The following SEMA5A variants were observed in gnomAD, a reference collection of about 807,000 sequenced individuals.
SEMA5A encodes semaphorin 5A.
In SEMA5A, 55 loss-of-function variants were observed where a neutral mutation model predicts 135.5. The observed-to-expected ratio is 0.41, with a 90% CI of 0.33 to 0.51. The LOEUF is 0.51. SEMA5A is among the 20% of genes least tolerant of loss of function. The pLI is 0.37. For synonymous variants in SEMA5A, 580 were observed against 546.5 expected (o/e 1.06, Z -0.85); for missense variants, 1,290 against 1,419.9 (o/e 0.91, Z 1.47).
At chr5:9,532,593 G>A (rs895046344) in intron 1 of SEMA5A, among the ~76,000 whole-genome samples, 2 of 152,034 alleles carry the variant, frequency 1.3e-5, no homozygotes, top group African/African-American at 2.4e-5. Flanking sequence ...CGACCTGCAT[G>A]TGTATTTAAT....
intron 1 of SEMA5A, among the ~76,000 whole-genome samples, chr5:9,461,733 C>T (rs1481532241): frequency 6.6e-6 from 1 of 152,166 alleles, no homozygotes; most frequent in Admixed American, 6.5e-5. Flanking sequence ...GTGGAGGAAA[C>T]AGCAATAGTA....
At position 9,379,827 on chromosome 5, in the gene SEMA5A, A is replaced by G; in HGVS notation, c.120T>C (p.Tyr40=). ...CAGTGCGTGCTGGTTCCTTACCTTT[A>G]TAGGAGATGACTGGATGCTCGGTTC... ...CQRTEHPVIS[Y]KEIGPWLREF... Residue 40 remains tyrosine (Y), a synonymous_variant, in exon 3 of 23, where the codon TAT becomes TAC. Transcript: ENST00000382496. 1 of 1,613,654 alleles carries G rather than the reference A, an allele frequency of 6.2e-7. No individual in the cohort carries two copies. The highest frequency in any genetic ancestry group is 8.5e-7 in the Non-Finnish European group (1 of 1,179,890).
chr5:9,174,346 A>G (rs1164327323), intron 11 of SEMA5A, among the ~76,000 whole-genome samples: 1 of 152,154 alleles, frequency 6.6e-6, no homozygotes, highest in Non-Finnish European at 1.5e-5. Context: ...CCCTCTCTTA[A>G]TCCCAGATAT....
rs1321756287 is a variant in SEMA5A, at chr5:9,270,506, A to C, written c.271-32616T>G. 3.3e-5 allele frequency among the ~76,000 whole-genome samples: 5 copies of C among 152,252 alleles called. No homozygotes were observed. The East Asian group carries it at 9.6e-4, about 29-fold the overall frequency. The stretch of plus-strand genomic sequence containing the variant: ...TTGAGCAAGTCCCATAGGAAACAAT[A>C]ACAACTCTTTCTAGATTCTGGCCAG... On this transcript the variant is annotated intron_variant, in intron 5 of 22. Transcript: ENST00000382496.
chr5:9,114,662 C>T (rs1301783271), intron 15 of SEMA5A, among the ~76,000 whole-genome samples: 1 of 152,124 alleles, frequency 6.6e-6, no homozygotes, highest in Non-Finnish European at 1.5e-5. Context: ...GTTGAAGGTG[C>T]TGCTTGGTCT....
chr5:9,183,076 G>A (rs1744611073), intron 11 of SEMA5A, among the ~76,000 whole-genome samples: 1 of 152,100 alleles, frequency 6.6e-6, no homozygotes, highest in African/African-American at 2.4e-5. Flanking sequence ...ACAGAGGGAA[G>A]GATTCAAGTA....
intron 15 of SEMA5A, among the ~76,000 whole-genome samples, chr5:9,109,957 C>G (rs758399975): frequency 7.2e-5 from 11 of 151,994 alleles, no homozygotes; most frequent in Non-Finnish European, 1.5e-4. Flanking sequence ...TCCTGTCAAA[C>G]CAGAAAAATT....
In SEMA5A at chr5:9,066,526, T is replaced by C. The variant is rs932619445; in HGVS notation, c.2194A>G (p.Thr732Ala). 2 of 1,614,184 alleles carry C rather than the reference T, an allele frequency of 1.2e-6. No individual in the cohort carries two copies. The highest frequency in any genetic ancestry group is 1.7e-6 in the Non-Finnish European group (2 of 1,180,026). ...GGHYEQRFRYTCKARLADPNL... is the reference protein window; with the variant it reads ...GGHYEQRFRYACKARLADPNL... ...GGATCAGCCAGGCGGGCTTTGCATGTGTATCGGAATCGTTGCTCATAGTGG... is the reference window on the plus strand; with the variant it reads ...GGATCAGCCAGGCGGGCTTTGCATGCGTATCGGAATCGTTGCTCATAGTGG... The change falls in exon 17 of 23, where the codon ACA (threonine) becomes GCA (alanine). Residue 732 changes from threonine to alanine, a missense_variant. By Grantham distance (58) the Thr-to-Ala change is moderately conservative (BLOSUM62 0). Coordinates refer to ENST00000382496, the MANE Select transcript of SEMA5A (RefSeq NM_003966.3).
chr5:9,125,822 C>A (rs1379527232), intron 13 of SEMA5A, among the ~76,000 whole-genome samples: 1 of 147,880 alleles, frequency 6.8e-6, no homozygotes, highest in Non-Finnish European at 1.5e-5. Flanking sequence ...GTTAAAGAGG[C>A]AAAGACCCTA....
intron 2 of SEMA5A, among the ~76,000 whole-genome samples, chr5:9,427,721 A>G (rs1561244761): frequency 6.6e-6 from 1 of 152,198 alleles, no homozygotes; most frequent in Non-Finnish European, 1.5e-5. Flanking sequence ...ACACATGTGT[A>G]TGTAGCACCA....
At position 9,184,567 on chromosome 5, in the gene SEMA5A, T is replaced by G. The variant is rs943316516; in HGVS notation, c.1273+5700A>C. 5.0e-4 allele frequency among the ~76,000 whole-genome samples: 76 copies of G among 152,240 alleles called. 1 individual carries two copies. Among genetic ancestry groups the G allele is most frequent in the South Asian group, 2.1e-4 (1 of 4,830 alleles). On this transcript the variant is annotated intron_variant, in intron 11 of 22. Coordinates refer to ENST00000382496, the MANE Select transcript of SEMA5A (RefSeq NM_003966.3). ...TTTCTACATTTTCCACCTTAATCACTGCAAACATTTACTCTGTGTCTAAGC... is the reference window on the plus strand; with the variant it reads ...TTTCTACATTTTCCACCTTAATCACGGCAAACATTTACTCTGTGTCTAAGC...
chr5:9,108,169 T>C lies in SEMA5A; in HGVS notation c.2044A>G (p.Asn682Asp). Residue 682 changes from asparagine to aspartate, a missense_variant, in exon 16 of 23, where the codon AAT becomes GAT. Physicochemically the swap from Asn to Asp is conservative, Grantham distance 23. Coordinates refer to ENST00000382496, the MANE Select transcript of SEMA5A (RefSeq NM_003966.3). ...TTGCAGCCTGCACAGTCAGGCCCAT[T>C]CTCACAGATCCTGCGGCGAGCTTGA... ...GIQARRRICE[N>D]GPDCAGCNVE... 1.2e-6 allele frequency: 2 copies of C among 1,614,096 alleles called. No homozygotes were observed. Among genetic ancestry groups the C allele is most frequent in the Non-Finnish European group, 1.7e-6 (2 of 1,179,990 alleles).
intron 6 of SEMA5A, 66 bp from the exon 7 acceptor site, chr5:9,227,033 A>T (rs575715390): frequency 2.3e-5 from 18 of 796,802 alleles, no homozygotes; most frequent in Non-Finnish European, 2.9e-5. Context: ...ACATGCTAAC[A>T]AAGTCTGAGC....
chr5:9,181,069 C>A (rs1324071241), intron 11 of SEMA5A, among the ~76,000 whole-genome samples: 2 of 152,148 alleles, frequency 1.3e-5, no homozygotes, highest in Non-Finnish European at 2.9e-5. Flanking sequence ...GTGCTCAGGG[C>A]AAAGCTAAGT....
At chr5:9,530,669 CTT>C (rs1240664521) in intron 1 of SEMA5A, among the ~76,000 whole-genome samples, 1 of 152,110 alleles carries the variant, frequency 6.6e-6, no homozygotes, top group African/African-American at 2.4e-5. Context: ...TGCAAATAGT[CTT>C]TGGTATTCTG....
chr5:9,251,615 CG>C lies in SEMA5A; in HGVS notation c.271-13726del, dbSNP rs146310323. Among the ~76,000 whole-genome samples the C allele has an allele frequency of 1.7e-3, 252 of 152,230 alleles. 2 individuals carry two copies. In the East Asian group the frequency reaches 0.044, roughly 26 times the overall value. ...ACCAGAACCAATATGTAAATGTATA[CG>C]GCAGAAAGCCATCAATCAATCTGGA... On this transcript the variant is annotated intron_variant, in intron 5 of 22. Transcript: ENST00000382496.
At chr5:9,378,004 CT>C in intron 3 of SEMA5A, among the ~76,000 whole-genome samples, 1 of 152,176 alleles carries the variant, frequency 6.6e-6, no homozygotes, top group East Asian at 1.9e-4. Flanking sequence ...CTACACTGGG[CT>C]TAAAATGCTA....
chr5:9,312,961 C>T (rs1482040879), intron 5 of SEMA5A, among the ~76,000 whole-genome samples: 1 of 152,072 alleles, frequency 6.6e-6, no homozygotes, highest in Admixed American at 6.6e-5. Flanking sequence ...ATCATAAGGT[C>T]ACAGAATGGT....
chr5:9,532,445 T>C (rs1368296134), intron 1 of SEMA5A, among the ~76,000 whole-genome samples: 2 of 147,924 alleles, frequency 1.4e-5, no homozygotes, highest in African/African-American at 2.5e-5. Context: ...TTTTTCTTTT[T>C]TTTTTTTTTT....
Sources: allele counts gnomAD v4.1 joint callset (sites outside exome capture counted in the v4.1 genomes callset), GRCh38; gene constraint gnomAD v4.1.1; transcripts MANE v1.5; gene names NCBI Gene and HGNC (gene_info 2026-07-23, HGNC 2026-07-21).